The following GRIK2 variants were observed in gnomAD, a reference collection of about 807,000 sequenced individuals.
GRIK2 encodes the protein glutamate receptor ionotropic, kainate 2.
A neutral mutation model predicts 100.3 loss-of-function variants in GRIK2; 32 were observed. The ratio of observed to expected loss-of-function variants is 0.32; its 90% CI spans 0.24 to 0.43. GRIK2 has a LOEUF of 0.43. GRIK2 is among the 20% of genes least tolerant of loss of function. GRIK2 has a pLI of 1.00. For missense variants in GRIK2, 843 were observed against 1,114.9 expected (o/e 0.76, Z 3.47); for synonymous variants, 417 against 389.4 (o/e 1.07, Z -0.83).
intron 15 of GRIK2, among the ~76,000 whole-genome samples, chr6:102,046,988 G>T (rs1442022048): frequency 6.6e-6 from 1 of 151,970 alleles, no homozygotes; most frequent in Non-Finnish European, 1.5e-5. Context: ...AAATCAAAAG[G>T]AGTGTTAAAA....
intron 7 of GRIK2, among the ~76,000 whole-genome samples, chr6:101,687,443 C>A (rs1222833935): frequency 6.6e-6 from 1 of 151,874 alleles, no homozygotes; most frequent in African/African-American, 2.4e-5. Flanking sequence ...CAAAAACATC[C>A]TCTATCCTTA....
intron 8 of GRIK2, 95 bp downstream of exon 8, chr6:101,799,886 TTA>T: frequency 3.3e-6 from 3 of 921,010 alleles, no homozygotes; most frequent in Non-Finnish European, 3.3e-6. Context: ...TCCTTTTACT[TTA>T]TGTTTAATTT....
At chr6:101,705,774 C>T (rs930499590) in intron 7 of GRIK2, among the ~76,000 whole-genome samples, 6 of 151,908 alleles carry the variant, frequency 3.9e-5, no homozygotes, top group South Asian at 2.1e-4. Context: ...GAATATTTTG[C>T]ACACCAATTA....
In GRIK2 at chr6:101,398,577, T is replaced by C. The variant is rs561010161; in HGVS notation, c.-293-408T>C. ...TTTTACAGTTCCCAGACAAACTGAC[T>C]TTGATTTAGCTAGTAATTTAATGAA... On this transcript the variant is annotated intron_variant, in intron 1 of 16. Coordinates refer to ENST00000369134, the MANE Select transcript of GRIK2 (RefSeq NM_021956.5). 5.3e-5 allele frequency among the ~76,000 whole-genome samples: 8 copies of C among 152,354 alleles called. No individual in the cohort carries two copies. The South Asian group carries it at 1.0e-3, about 20-fold the overall frequency.
chr6:101,638,435 T>C (rs150246464), intron 4 of GRIK2, among the ~76,000 whole-genome samples: 63 of 151,972 alleles, frequency 4.1e-4, no homozygotes, highest in African/African-American at 1.5e-3. Context: ...GGAAGAAATA[T>C]TGCAGTATTA....
intron 7 of GRIK2, among the ~76,000 whole-genome samples, chr6:101,760,027 G>T (rs930157911): frequency 2.2e-5 from 3 of 137,226 alleles, no homozygotes; most frequent in Admixed American, 7.3e-5. Flanking sequence ...CCGCCACCGC[G>T]CCCGGCTAAT....
intron 14 of GRIK2, among the ~76,000 whole-genome samples, chr6:101,956,796 T>TAG (rs1166108866): frequency 1.4e-5 from 2 of 147,068 alleles, no homozygotes; most frequent in Admixed American, 6.8e-5. Context: ...AATTTTCTTA[T>TAG]ATATATCAAT....
intron 2 of GRIK2, among the ~76,000 whole-genome samples, chr6:101,435,279 A>C (rs1769647811): frequency 6.6e-6 from 1 of 152,066 alleles, no homozygotes; most frequent in Non-Finnish European, 1.5e-5. Context: ...ACTTTCTGCT[A>C]TTCAGAACTG....
At chr6:101,961,410 C>T (rs115232805) in intron 14 of GRIK2, among the ~76,000 whole-genome samples, 2,362 of 152,100 alleles carry the variant, frequency 0.016, 57 homozygotes, top group African/African-American at 0.054. Flanking sequence ...TGCAACTCCT[C>T]CTAATAGTCC....
chr6:101,437,545 C>T (rs1769798279), intron 2 of GRIK2, among the ~76,000 whole-genome samples: 1 of 152,212 alleles, frequency 6.6e-6, no homozygotes, highest in East Asian at 1.9e-4. Context: ...CTTTTAACAA[C>T]TTGTAATTTC....
intron 2 of GRIK2, among the ~76,000 whole-genome samples, chr6:101,466,829 A>G (rs1771674184): frequency 6.6e-6 from 1 of 152,196 alleles, no homozygotes; most frequent in African/African-American, 2.4e-5. Context: ...GTTGAAATCT[A>G]GAAATGTTTG....
At chr6:101,889,927 T>G in intron 12 of GRIK2, 64 bp downstream of exon 12, 1 of 862,604 alleles carries the variant, frequency 1.2e-6, no homozygotes, top group Non-Finnish European at 1.9e-6. Context: ...CTAATAATTG[T>G]CAAAAGTCAC....
intron 2 of GRIK2, among the ~76,000 whole-genome samples, chr6:101,438,634 G>A (rs986359826): frequency 5.3e-5 from 8 of 152,048 alleles, no homozygotes; most frequent in African/African-American, 1.9e-4. Context: ...CTCTTTTAAT[G>A]AGTCCATATT....
rs772491611 is a variant in GRIK2 at position 102,055,571 on chromosome 6, A to G, written c.2553A>G (p.Gln851=). 1.2e-5 allele frequency: 20 copies of G among 1,606,190 alleles called. No individual in the cohort carries two copies. The highest frequency in any genetic ancestry group is 5.5e-5 in the South Asian group (5 of 90,838). Residue 851 remains glutamine (Q), a synonymous_variant, in exon 16 of 17, where the codon CAA becomes CAG. Coordinates refer to ENST00000369134, the MANE Select transcript of GRIK2 (RefSeq NM_021956.5). ...TATACAAATCCAAAAAAAACGCTCAATTGGAAAAGGTAAATGTTACTTGTT... is the reference window on the plus strand; with the variant it reads ...TATACAAATCCAAAAAAAACGCTCAGTTGGAAAAGGTAAATGTTACTTGTT... ...EFLYKSKKNA[Q]LEKRSFCSAM...
At chr6:101,703,841 AAAAG>A (rs1773068562) in intron 7 of GRIK2, among the ~76,000 whole-genome samples, 2 of 151,748 alleles carry the variant, frequency 1.3e-5, no homozygotes, top group African/African-American at 2.4e-5. Context: ...TATAAAAAAA[AAAAG>A]AAGACAGAGT....
rs6905888 is a variant in GRIK2 at position 101,962,490 on chromosome 6, G to C, written c.2085+33858G>C. Among the ~76,000 whole-genome samples, 870 of 152,156 alleles carry C rather than the reference G, an allele frequency of 5.7e-3. 15 individuals are homozygous for C. The highest frequency in any genetic ancestry group is 0.02 in the African/African-American group (838 of 41,516). On this transcript the variant is annotated intron_variant, in intron 14 of 16. Coordinates refer to ENST00000369134, the MANE Select transcript of GRIK2 (RefSeq NM_021956.5). The stretch of plus-strand genomic sequence containing the variant: ...TGGAGTACCATGTGTACTTGAGAAG[G>C]GTGTATATTTTGCTTTATTTTGGGT...
chr6:101,744,240 C>G lies in GRIK2; in HGVS notation c.952-55408C>G, dbSNP rs529984799. 3.3e-5 allele frequency among the ~76,000 whole-genome samples: 5 copies of G among 152,004 alleles called. 1 individual carries two copies. The South Asian group carries it at 8.3e-4, about 25-fold the overall frequency. ...TACAGACATGAGCCGTCGTGCCCAGCCAGCAATATGTAGTCTTTTATCCCT... is the reference window on the plus strand; with the variant it reads ...TACAGACATGAGCCGTCGTGCCCAGGCAGCAATATGTAGTCTTTTATCCCT... On this transcript the variant is annotated intron_variant, in intron 7 of 16. Transcript: ENST00000369134.
intron 11 of GRIK2, among the ~76,000 whole-genome samples, chr6:101,872,208 C>A (rs1296472667): frequency 2.0e-5 from 3 of 151,870 alleles, no homozygotes; most frequent in Non-Finnish European, 4.4e-5. Flanking sequence ...ATGTGGCCAA[C>A]ATTAACCCAG....
intron 14 of GRIK2, among the ~76,000 whole-genome samples, chr6:102,012,302 C>T (rs1490372434): frequency 6.6e-6 from 1 of 151,962 alleles, no homozygotes; most frequent in Admixed American, 6.6e-5. Flanking sequence ...TTGTTCTTCC[C>T]TTTTTTTATT....
Sources: allele counts gnomAD v4.1 joint callset (sites outside exome capture counted in the v4.1 genomes callset), GRCh38; gene constraint gnomAD v4.1.1; transcripts MANE v1.5; gene names NCBI Gene and HGNC (gene_info 2026-07-23, HGNC 2026-07-21).